PPFIA2: variants seen among roughly 807,000 people sequenced by gnomAD.
PPFIA2 encodes the protein PPFI scaffold protein A2, also known as liprin-alpha-2.
A neutral mutation model predicts 175.5 loss-of-function variants in PPFIA2; 46 were observed. That is an observed-to-expected ratio of 0.26 (90% confidence interval 0.21 to 0.34). The LOEUF is 0.34. Ranked by LOEUF, PPFIA2 falls within the 10% of genes least tolerant of loss-of-function variation. PPFIA2 has a pLI of 1.00. For missense variants in PPFIA2, 1,179 were observed against 1,506.1 expected (o/e 0.78, Z 3.60); for synonymous variants, 568 against 511.4 (o/e 1.11, Z -1.49).
chr12:81,604,669 AG>A (rs2060113478), intron 4 of PPFIA2, among the ~76,000 whole-genome samples: 1 of 151,712 alleles, frequency 6.6e-6, no homozygotes, highest in Non-Finnish European at 1.5e-5. Flanking sequence ...ATTGGTTTTC[AG>A]GCAATGGCTA....
intron 22 of PPFIA2, among the ~76,000 whole-genome samples, chr12:81,316,854 T>A (rs530749370): frequency 3.4e-4 from 52 of 151,734 alleles, no homozygotes; most frequent in Admixed American, 1.8e-3. Context: ...GCAGTTGAGA[T>A]TGGACTACAT....
chr12:81,310,509 T>C (rs1003468686), intron 22 of PPFIA2, among the ~76,000 whole-genome samples: 2 of 152,122 alleles, frequency 1.3e-5, no homozygotes, highest in East Asian at 1.9e-4. Context: ...TTCATTGTTT[T>C]TCAATATTTA....
intron 3 of PPFIA2, among the ~76,000 whole-genome samples, chr12:81,719,659 T>C (rs1273425768): frequency 6.6e-6 from 1 of 151,546 alleles, no homozygotes; most frequent in Admixed American, 6.6e-5. Context: ...ATTAAATCTA[T>C]AATTAAAACA....
intron 24 of PPFIA2, among the ~76,000 whole-genome samples, chr12:81,284,633 G>C (rs527250204): frequency 6.6e-6 from 1 of 152,020 alleles, no homozygotes; most frequent in Non-Finnish European, 1.5e-5. Context: ...TTGTAATAAC[G>C]GTGAACTGAT....
At chr12:81,494,975 A>C (rs1593971774) in intron 4 of PPFIA2, among the ~76,000 whole-genome samples, 1 of 150,434 alleles carries the variant, frequency 6.6e-6, no homozygotes, top group South Asian at 2.2e-4. Flanking sequence ...GGATAGCATT[A>C]GGAGATATAC....
intron 4 of PPFIA2, among the ~76,000 whole-genome samples, chr12:81,570,656 G>A (rs2072343892): frequency 6.7e-6 from 1 of 149,882 alleles, no homozygotes; most frequent in Non-Finnish European, 1.5e-5. Context: ...TTCTTAAAAA[G>A]GGGGAATTTA....
intron 25 of PPFIA2, 70 bp downstream of exon 25, chr12:81,284,171 G>T: frequency 8.5e-7 from 1 of 1,183,118 alleles, no homozygotes; most frequent in Non-Finnish European, 1.2e-6. Context: ...ATTGTAAACA[G>T]ATTAGTTTCC....
chr12:81,292,594 C>A (rs575861033), intron 24 of PPFIA2: 1 of 151,966 alleles, frequency 6.6e-6, no homozygotes, highest in Admixed American at 6.6e-5. Flanking sequence ...CTTTATTGTA[C>A]GAATGGAGCA....
intron 4 of PPFIA2, among the ~76,000 whole-genome samples, chr12:81,633,857 G>C (rs539878500): frequency 4.4e-4 from 67 of 152,030 alleles, no homozygotes; most frequent in Non-Finnish European, 7.1e-4. Context: ...AGGAAGGTGG[G>C]TAATAGAGAG....
chr12:81,630,058 G>C lies in PPFIA2; in HGVS notation c.303+46733C>G, dbSNP rs575348990. Among the ~76,000 whole-genome samples the C allele has an allele frequency of 2.0e-5, 3 of 152,208 alleles. No homozygotes were observed. The East Asian group carries it at 5.8e-4, about 29-fold the overall frequency. ...AAGATGCTTATCCTGCTGGTTTGTGGCTGAAGGGACCATAAACCAAGGAAT... is the reference window on the plus strand; with the variant it reads ...AAGATGCTTATCCTGCTGGTTTGTGCCTGAAGGGACCATAAACCAAGGAAT... On this transcript the variant is annotated intron_variant, in intron 4 of 32. Transcript: ENST00000549396.
intron 6 of PPFIA2, among the ~76,000 whole-genome samples, chr12:81,443,137 G>T (rs530679910): frequency 6.6e-6 from 1 of 151,484 alleles, no homozygotes; most frequent in East Asian, 2.0e-4. Context: ...ATTCATAAAC[G>T]TTCACTAAGG....
chr12:81,538,935 G>C (rs1231556605), intron 4 of PPFIA2, among the ~76,000 whole-genome samples: 6 of 151,938 alleles, frequency 3.9e-5, no homozygotes, highest in Non-Finnish European at 2.9e-5. Flanking sequence ...GACCAGGGTA[G>C]AAGTATGGTT....
intron 3 of PPFIA2, among the ~76,000 whole-genome samples, chr12:81,697,112 AT>A (rs1321344183): frequency 6.6e-6 from 1 of 150,566 alleles, no homozygotes; most frequent in East Asian, 2.0e-4. Flanking sequence ...ATCTCCCTGA[AT>A]TTCTAAATTT....
chr12:81,747,921 T>C (rs1299471995), intron 3 of PPFIA2, among the ~76,000 whole-genome samples: 1 of 144,544 alleles, frequency 6.9e-6, no homozygotes. Flanking sequence ...TATAAAAACC[T>C]GGTATTTTAA....
intron 8 of PPFIA2, 107 bp from the exon 9 acceptor site, chr12:81,384,351 A>C: frequency 1.2e-6 from 1 of 853,386 alleles, no homozygotes; most frequent in African/African-American, 1.7e-5. Context: ...AGTGAGAAAT[A>C]AGAAATTCTG....
At chr12:81,483,726 A>G (rs866216035) in intron 4 of PPFIA2, among the ~76,000 whole-genome samples, 2 of 152,086 alleles carry the variant, frequency 1.3e-5, no homozygotes, top group South Asian at 4.1e-4. Context: ...GGAAAAAACT[A>G]TCTAAGGTAT....
rs1404109265 is a variant in PPFIA2 at position 81,512,345 on chromosome 12, C to T, written c.304-54479G>A. The T allele has an allele frequency of 4.7e-6, 6 of 1,288,516 alleles. No individual in the cohort carries two copies. In the Admixed American group the frequency reaches 1.1e-4, roughly 25 times the overall value. 79.8% of individuals were successfully genotyped at this position (1,288,516 alleles called of 1,614,324 possible). On this transcript the variant is annotated intron_variant, in intron 4 of 32. Coordinates refer to ENST00000549396, the MANE Select transcript of PPFIA2 (RefSeq NM_003625.5). Reference sequence around the variant, plus strand: ...TCTCCCACTGCTATCTCTTATGTACCTGCAGCCAAAACAAATTACTTACAT... The same window carrying T: ...TCTCCCACTGCTATCTCTTATGTACTTGCAGCCAAAACAAATTACTTACAT...
At chr12:81,405,144 G>A (rs913038677) in intron 8 of PPFIA2, among the ~76,000 whole-genome samples, 9 of 152,126 alleles carry the variant, frequency 5.9e-5, no homozygotes, top group African/African-American at 1.9e-4. Context: ...GAGCAACAGA[G>A]CGCTAGTTTC....
chr12:81,294,183 T>C lies in PPFIA2; in HGVS notation c.2925+652A>G, dbSNP rs184795772. ...GGATGAGGTTTGAAAAATTACCCAT[T>C]GGGTACAACGTTCACTATTTGGGTG... is the stretch of plus-strand genomic sequence containing the variant. On this transcript the variant is annotated intron_variant, in intron 24 of 32. Coordinates refer to ENST00000549396, the MANE Select transcript of PPFIA2 (RefSeq NM_003625.5). Among the ~76,000 whole-genome samples the C allele has an allele frequency of 6.6e-5, 10 of 152,180 alleles. No homozygotes were observed. In the East Asian group the frequency reaches 1.4e-3, roughly 21 times the overall value.
Sources: allele counts gnomAD v4.1 joint callset (sites outside exome capture counted in the v4.1 genomes callset), GRCh38; gene constraint gnomAD v4.1.1; transcripts MANE v1.5; gene names NCBI Gene and HGNC (gene_info 2026-07-23, HGNC 2026-07-21).